PCDHGB6: variants seen among roughly 807,000 people sequenced by gnomAD.
PCDHGB6 encodes the protein protocadherin gamma-B6.
A neutral mutation model predicts 59.1 loss-of-function variants in PCDHGB6; 51 were observed. The ratio of observed to expected loss-of-function variants is 0.86; its 90% CI spans 0.69 to 1.09. PCDHGB6 has a LOEUF of 1.09. PCDHGB6 is among the 50% of genes least tolerant of loss of function. PCDHGB6 has a pLI of 0.00. For synonymous variants in PCDHGB6, 466 were observed against 495.1 expected (o/e 0.94, Z 0.78); for missense variants, 1,148 against 1,205.1 (o/e 0.95, Z 0.70).
chr5:141,504,351 G>A (rs77439649), intron 2 of PCDHGB6, among the ~76,000 whole-genome samples: 2 of 152,010 alleles, frequency 1.3e-5, no homozygotes, highest in African/African-American at 4.8e-5. Context: ...CTTTGTGCTA[G>A]GTGCTTCAGT....
In PCDHGB6 at chr5:141,414,978, C is replaced by T. The variant is rs757917979; in HGVS notation, c.2418+4358C>T. On this transcript the variant is annotated intron_variant, in intron 1 of 3. Coordinates refer to ENST00000520790, the MANE Select transcript of PCDHGB6 (RefSeq NM_018926.3). The stretch of plus-strand genomic sequence containing the variant: ...CCAAGGTGGTGGCGGTGGACAGAGA[C>T]TCCGGCCAGAACGCCTGGCTGTCCT... 8 of 1,613,878 alleles carry T rather than the reference C, an allele frequency of 5.0e-6. No individual in the cohort carries two copies. The South Asian group carries it at 8.8e-5, about 18-fold the overall frequency.
In PCDHGB6 at chr5:141,422,057, A is replaced by T. The variant is rs1356083259; in HGVS notation, c.2418+11437A>T. 3.1e-6 allele frequency: 5 copies of T among 1,611,974 alleles called. No individual in the cohort carries two copies. The South Asian group carries it at 5.5e-5, about 18-fold the overall frequency. On this transcript the variant is annotated intron_variant, in intron 1 of 3. Transcript: ENST00000520790. The stretch of plus-strand genomic sequence containing the variant: ...GATCCAGACGAGGGAATCAACGGGG[A>T]AGTAATGTATTCATTTCGGAACATG...
In PCDHGB6 at chr5:141,409,805, C is replaced by G. The variant is rs751397816; in HGVS notation, c.1603C>G (p.Arg535Gly). ...LRAFALTLQA[R>G]DHGSPTLSAN... ...CGCCTTCGCGCTCACGCTGCAGGCC[C>G]GCGACCACGGCTCGCCCACGCTCAG... The change falls in exon 1 of 4, where the codon CGC (arginine) becomes GGC (glycine). Residue 535 changes from arginine (R) to glycine (G), a missense_variant. Coordinates refer to ENST00000520790, the MANE Select transcript of PCDHGB6 (RefSeq NM_018926.3). 8 of 1,611,512 alleles carry G rather than the reference C, an allele frequency of 5.0e-6. No individual in the cohort carries two copies. In the African/African-American group the frequency reaches 5.3e-5, roughly 11 times the overall value.
Position 141,453,588 on chromosome 5 carries a change from CTG to C in PCDHGB6, c.2419-41215_2419-41214del, listed in dbSNP as rs572244169. ...TTCATTAGTTTGTGGTTTATCCTCA[CTG>C]TGTTTCTTTTTGCAAAACGCAAAAA... On this transcript the variant is annotated intron_variant, in intron 1 of 3. Coordinates refer to ENST00000520790, the MANE Select transcript of PCDHGB6 (RefSeq NM_018926.3). Among the ~76,000 whole-genome samples the C allele has an allele frequency of 5.9e-5, 9 of 152,296 alleles. No individual in the cohort carries two copies. In the South Asian group the frequency reaches 1.5e-3, roughly 25 times the overall value.
At chr5:141,461,607 A>C (rs74634930) in intron 1 of PCDHGB6, among the ~76,000 whole-genome samples, 8,353 of 152,212 alleles carry the variant, frequency 0.055, 473 homozygotes, top group African/African-American at 0.15. Flanking sequence ...AATTTAGTTC[A>C]AAGTATTTTC....
intron 2 of PCDHGB6, among the ~76,000 whole-genome samples, chr5:141,504,794 A>G (rs2099841154): frequency 6.6e-6 from 1 of 151,718 alleles, no homozygotes; most frequent in African/African-American, 2.4e-5. Flanking sequence ...GGCCTCCTAC[A>G]TCTCCCCCTA....
chr5:141,423,798 A>G (rs551396089), intron 1 of PCDHGB6: 76 of 1,222,390 alleles, frequency 6.2e-5, no homozygotes, highest in Middle Eastern at 4.5e-4. Context: ...TATTTAGAGC[A>G]ATACATGTGA....
In PCDHGB6 at chr5:141,495,049, T is replaced by G. The variant is rs543734863; in HGVS notation, c.2477+184T>G. ...CCCCGGAAGGAAGAGGCGACTGCCC[T>G]GACTGTTCAGGAAGCTCAATTCACA... On this transcript the variant is annotated intron_variant, in intron 2 of 3. Coordinates refer to ENST00000520790, the MANE Select transcript of PCDHGB6 (RefSeq NM_018926.3). Among the ~76,000 whole-genome samples the G allele has an allele frequency of 5.6e-4, 86 of 152,312 alleles. 1 individual carries two copies. Among genetic ancestry groups the G allele is most frequent in the African/African-American group, 1.6e-3 (65 of 41,578 alleles).
Position 141,427,844 on chromosome 5 carries a change from C to A in PCDHGB6, c.2418+17224C>A, listed in dbSNP as rs997069058. 6.5e-6 allele frequency: 10 copies of A among 1,550,194 alleles called. No homozygotes were observed. In the East Asian group the frequency reaches 2.2e-4, roughly 35 times the overall value. On this transcript the variant is annotated intron_variant, in intron 1 of 3. Transcript: ENST00000520790. ...TGGTCGCGCAGCGTGCCTTCGACCA[C>A]GAGCAGCTGTGCGCCTTCGAGCTCA...
At position 141,486,493 on chromosome 5, in the gene PCDHGB6, T is replaced by C. The variant is rs761905572; in HGVS notation, c.2419-8314T>C. The C allele has an allele frequency of 1.2e-6, 2 of 1,614,136 alleles. No homozygotes were observed. The highest frequency in any genetic ancestry group is 1.7e-6 in the Non-Finnish European group (2 of 1,179,960). Reference sequence around the variant, plus strand: ...ACCCTCCTCTCAGTACCCACAGAACTATTTTCCTCAATATTTCAGATGTGA... The same window carrying C: ...ACCCTCCTCTCAGTACCCACAGAACCATTTTCCTCAATATTTCAGATGTGA... On this transcript the variant is annotated intron_variant, in intron 1 of 3. Transcript: ENST00000520790. The surrounding 1 kb of genome is among the most constrained non-coding windows in gnomAD (Gnocchi z 5.0).
intron 1 of PCDHGB6, among the ~76,000 whole-genome samples, chr5:141,481,761 G>A (rs984825493): frequency 2.6e-5 from 4 of 152,234 alleles, no homozygotes; most frequent in Non-Finnish European, 2.9e-5. Context: ...AGACCAGCCT[G>A]GCCAACATGG....
chr5:141,470,130 A>G (rs915991313), intron 1 of PCDHGB6, among the ~76,000 whole-genome samples: 4 of 151,534 alleles, frequency 2.6e-5, no homozygotes, highest in African/African-American at 4.9e-5. Flanking sequence ...CTTCGTCTCA[A>G]AAAAAAAGAT....
chr5:141,494,556 T>C (rs909822734), intron 1 of PCDHGB6, among the ~76,000 whole-genome samples: 18 of 152,120 alleles, frequency 1.2e-4, no homozygotes, highest in African/African-American at 4.3e-4. Context: ...GCCATTTCTT[T>C]AGGAAAGGAG....
Position 141,487,297 on chromosome 5 carries a change from C to T in PCDHGB6, c.2419-7510C>T, listed in dbSNP as rs770262058. ...TTTGCTTTGTCTCCTTTGGCTCATT[C>T]GTGGCACTACTCTCTAAGTGTCTTC... On this transcript the variant is annotated intron_variant, in intron 1 of 3. Coordinates refer to ENST00000520790, the MANE Select transcript of PCDHGB6 (RefSeq NM_018926.3). This position sits in a 1 kb window ranked among gnomAD's most constrained non-coding sequence, Gnocchi z 5.0. The T allele has an allele frequency of 3.2e-5, 52 of 1,613,984 alleles. No homozygotes were observed. The highest frequency in any genetic ancestry group is 4.0e-5 in the African/African-American group (3 of 74,912).
Position 141,487,367 on chromosome 5 carries a change from G to A in PCDHGB6, c.2419-7440G>A. 1 of 1,614,204 alleles carries A rather than the reference G, an allele frequency of 6.2e-7. No individual in the cohort carries two copies. The highest frequency in any genetic ancestry group is 8.5e-7 in the Non-Finnish European group (1 of 1,180,030). ...CACATGCTTTCCTGCTGGCACCTGT[G>A]CCTGTCTCACCAGATCTCGAAGGAG... On this transcript the variant is annotated intron_variant, in intron 1 of 3. Coordinates refer to ENST00000520790, the MANE Select transcript of PCDHGB6 (RefSeq NM_018926.3). This position sits in a 1 kb window ranked among gnomAD's most constrained non-coding sequence, Gnocchi z 5.0.
At chr5:141,484,120 C>A (rs1158603108) in intron 1 of PCDHGB6, among the ~76,000 whole-genome samples, 1 of 152,146 alleles carries the variant, frequency 6.6e-6, no homozygotes, top group African/African-American at 2.4e-5. Flanking sequence ...ATCAAGAATA[C>A]CTTGGTGTCA....
At chr5:141,463,108 T>G (rs1212278355) in intron 1 of PCDHGB6, among the ~76,000 whole-genome samples, 1 of 152,202 alleles carries the variant, frequency 6.6e-6, no homozygotes, top group Non-Finnish European at 1.5e-5. Flanking sequence ...CATCAAGAAT[T>G]CAGCTAATAG....
Position 141,486,177 on chromosome 5 carries a change from G to A in PCDHGB6, c.2419-8630G>A. The A allele has an allele frequency of 6.2e-7, 1 of 1,614,222 alleles. No individual in the cohort carries two copies. Among genetic ancestry groups the A allele is most frequent in the Non-Finnish European group, 8.5e-7 (1 of 1,180,042 alleles). ...TCTCCAGCCATGGAGCAACATTGCA[G>A]CCTTCGAGTGGATCTGCTGGACGTA... On this transcript the variant is annotated intron_variant, in intron 1 of 3. Coordinates refer to ENST00000520790, the MANE Select transcript of PCDHGB6 (RefSeq NM_018926.3). The surrounding 1 kb of genome is among the most constrained non-coding windows in gnomAD (Gnocchi z 5.0).
chr5:141,463,446 T>TC, intron 1 of PCDHGB6, among the ~76,000 whole-genome samples: 1 of 125,012 alleles, frequency 8.0e-6, no homozygotes, highest in Non-Finnish European at 1.7e-5. Flanking sequence ...TCCTTTTTTT[T>TC]TTTTTTTTTT....
Sources: allele counts gnomAD v4.1 joint callset (sites outside exome capture counted in the v4.1 genomes callset), GRCh38; gene constraint gnomAD v4.1.1; non-coding constraint Gnocchi (gnomAD v3.1); transcripts MANE v1.5; gene names NCBI Gene and HGNC (gene_info 2026-07-23, HGNC 2026-07-21).